NALCN: variants seen among roughly 807,000 people sequenced by gnomAD.
The protein encoded by NALCN is sodium leak channel NALCN.
In NALCN, 111 loss-of-function variants were observed where a neutral mutation model predicts 225.3. The ratio of observed to expected loss-of-function variants is 0.49; its 90% confidence interval spans 0.42 to 0.58. The LOEUF is 0.58. Among genes scored for constraint, NALCN ranks in the 20% least tolerant of loss-of-function variants. NALCN has a pLI of 0.00. For synonymous variants in NALCN, 764 were observed against 769.0 expected (o/e 0.99, Z 0.11); for missense variants, 1,378 against 2,202.4 (o/e 0.63, Z 7.49).
intron 6 of NALCN, among the ~76,000 whole-genome samples, chr13:101,365,485 G>A (rs904611321): frequency 9.2e-5 from 14 of 152,066 alleles, no homozygotes; most frequent in South Asian, 2.1e-4. Context: ...TAAAGAATAC[G>A]TGACAAATAA....
At chr13:101,100,156 T>C (rs930559760) in intron 27 of NALCN, among the ~76,000 whole-genome samples, 9 of 152,072 alleles carry the variant, frequency 5.9e-5, no homozygotes, top group Admixed American at 4.6e-4. Flanking sequence ...GGCTTTCTAA[T>C]GGGGAGAAAG....
chr13:101,118,507 T>C (rs1043649937), intron 18 of NALCN, among the ~76,000 whole-genome samples: 6 of 151,986 alleles, frequency 3.9e-5, no homozygotes, highest in African/African-American at 1.5e-4. Flanking sequence ...CAAAAACATA[T>C]ATCTACACAT....
At chr13:101,151,983 T>C (rs1246007967) in intron 15 of NALCN, among the ~76,000 whole-genome samples, 2 of 152,200 alleles carry the variant, frequency 1.3e-5, no homozygotes, top group African/African-American at 2.4e-5. Flanking sequence ...AATTAGTGCA[T>C]AGAAGACAGC....
intron 6 of NALCN, among the ~76,000 whole-genome samples, chr13:101,368,192 T>C (rs943669861): frequency 3.7e-5 from 5 of 134,518 alleles, no homozygotes; most frequent in South Asian, 4.8e-4. Context: ...TGTGATGTTC[T>C]CCTTCCTGTA....
chr13:101,389,208 T>C (rs2047074385), intron 3 of NALCN, among the ~76,000 whole-genome samples: 1 of 152,206 alleles, frequency 6.6e-6, no homozygotes, highest in Non-Finnish European at 1.5e-5. Flanking sequence ...TGCCCACCTC[T>C]TCCATAAACC....
chr13:101,330,866 A>G (rs527321342), intron 7 of NALCN, among the ~76,000 whole-genome samples: 1 of 152,248 alleles, frequency 6.6e-6, no homozygotes, highest in South Asian at 2.1e-4. Flanking sequence ...GCCTGCCCCC[A>G]TGTAAGATGT....
At chr13:101,345,014 GA>G (rs1332880202) in intron 7 of NALCN, among the ~76,000 whole-genome samples, 1 of 152,100 alleles carries the variant, frequency 6.6e-6, no homozygotes, top group Non-Finnish European at 1.5e-5. Context: ...CTGTTATTGA[GA>G]ATCGAAATAG....
chr13:101,111,270 A>G, intron 18 of NALCN, 44 bp from the exon 19 acceptor site: 1 of 1,516,652 alleles, frequency 6.6e-7, no homozygotes, highest in Non-Finnish European at 9.0e-7. Flanking sequence ...TGGTTTGTAC[A>G]CTTGAGATGA....
chr13:101,200,751 A>G (rs969477609), intron 13 of NALCN, among the ~76,000 whole-genome samples: 1 of 152,128 alleles, frequency 6.6e-6, no homozygotes, highest in South Asian at 2.1e-4. Context: ...AATATCTCTA[A>G]TAGACTTCCT....
At chr13:101,265,536 G>A (rs1313822066) in intron 10 of NALCN, among the ~76,000 whole-genome samples, 2 of 152,158 alleles carry the variant, frequency 1.3e-5, no homozygotes, top group Non-Finnish European at 2.9e-5. Flanking sequence ...AGCCAAACAC[G>A]GGGAGGGCTT....
intron 39 of NALCN, 145 bp downstream of exon 39, chr13:101,067,773 C>A: frequency 1.5e-6 from 1 of 663,666 alleles, no homozygotes; most frequent in Non-Finnish European, 2.7e-6. Context: ...GAGGATTCTG[C>A]TGAACTGTAA....
At chr13:101,190,786 A>G (rs910169432) in intron 14 of NALCN, among the ~76,000 whole-genome samples, 5 of 152,224 alleles carry the variant, frequency 3.3e-5, no homozygotes, top group African/African-American at 1.2e-4. Flanking sequence ...CTTAGAGATT[A>G]TATGTAATTT....
intron 17 of NALCN, among the ~76,000 whole-genome samples, chr13:101,139,343 T>A (rs1218695281): frequency 6.6e-6 from 1 of 152,152 alleles, no homozygotes; most frequent in Non-Finnish European, 1.5e-5. Flanking sequence ...GTTGTTGTTT[T>A]TTTCTCCCTG....
chr13:101,407,414 A>G (rs551834570), intron 1 of NALCN, among the ~76,000 whole-genome samples: 1 of 152,340 alleles, frequency 6.6e-6, no homozygotes, highest in African/African-American at 2.4e-5. Context: ...AAAAGTGATT[A>G]ATACTCTTGA....
intron 13 of NALCN, among the ~76,000 whole-genome samples, chr13:101,221,221 T>A (rs898216858): frequency 6.6e-6 from 1 of 152,050 alleles, no homozygotes; most frequent in Non-Finnish European, 1.5e-5. Flanking sequence ...CTGGTTCAAA[T>A]GATTCTCCTG....
At chr13:101,407,807 A>G (rs2047666757) in intron 1 of NALCN, among the ~76,000 whole-genome samples, 1 of 152,190 alleles carries the variant, frequency 6.6e-6, no homozygotes, top group South Asian at 2.1e-4. Context: ...CATTTCACAA[A>G]CACGAACTTC....
chr13:101,116,514 C>T (rs752726023), intron 18 of NALCN: 3 of 516,768 alleles, frequency 5.8e-6, no homozygotes, highest in African/African-American at 3.9e-5. Context: ...AGCAGGGGGT[C>T]CCCGGTTCTT....
chr13:101,125,637 C>T (rs1319260833), intron 17 of NALCN, among the ~76,000 whole-genome samples: 1 of 152,034 alleles, frequency 6.6e-6, no homozygotes, highest in African/African-American at 2.4e-5. Flanking sequence ...GTAGATGGCA[C>T]AGTGCTAGAT....
intron 1 of NALCN, among the ~76,000 whole-genome samples, chr13:101,400,079 G>A (rs1053166119): frequency 2.0e-5 from 3 of 151,968 alleles, no homozygotes; most frequent in African/African-American, 7.3e-5. Context: ...GGAACTAACA[G>A]CTATGGGCAT....
Sources: gnomAD v4.1 joint callset for allele counts (sites outside exome capture counted in the v4.1 genomes callset) on GRCh38, gnomAD v4.1.1 for gene constraint, MANE v1.5 for transcripts, NCBI Gene and HGNC (gene_info 2026-07-23, HGNC 2026-07-21) for gene names.